KCNMB2: variants seen among roughly 807,000 people sequenced by gnomAD.
KCNMB2 encodes calcium-activated potassium channel subunit beta-2.
In KCNMB2, 9 loss-of-function variants were observed where a neutral mutation model predicts 24.5. The ratio of observed to expected loss-of-function variants is 0.37; its 90% CI spans 0.22 to 0.64. The LOEUF is 0.64. KCNMB2 is among the 30% of genes least tolerant of loss of function. The probability of loss-of-function intolerance (pLI) is 0.63; values close to 1 mark genes in which losing one functional copy is unlikely to be tolerated. For missense variants in KCNMB2, 226 were observed against 284.3 expected (o/e 0.79, Z 1.47); for synonymous variants, 109 against 104.4 (o/e 1.04, Z -0.27).
intron 1 of KCNMB2, among the ~76,000 whole-genome samples, chr3:178,714,760 G>A (rs1416586672): frequency 1.3e-5 from 2 of 152,162 alleles, no homozygotes; most frequent in African/African-American, 4.8e-5. Flanking sequence ...GTCATTTTGG[G>A]AAAATCTAAT....
At chr3:178,573,465 A>G (rs946650321) in intron 1 of KCNMB2, among the ~76,000 whole-genome samples, 1 of 152,028 alleles carries the variant, frequency 6.6e-6, no homozygotes, top group Admixed American at 6.6e-5. Flanking sequence ...GGCTGTGTAC[A>G]GTGGGGGCTC....
intron 1 of KCNMB2, among the ~76,000 whole-genome samples, chr3:178,631,013 C>A (rs1462886322): frequency 6.6e-6 from 1 of 152,114 alleles, no homozygotes; most frequent in Non-Finnish European, 1.5e-5. Flanking sequence ...TATTTACAAG[C>A]AAAGAAAGAA....
At chr3:178,599,871 T>A (rs905578226) in intron 1 of KCNMB2, among the ~76,000 whole-genome samples, 1 of 152,160 alleles carries the variant, frequency 6.6e-6, no homozygotes, top group Non-Finnish European at 1.5e-5. Context: ...ATTTCTCTTT[T>A]GGTGACTAGC....
chr3:178,678,320 T>C (rs779230898), intron 1 of KCNMB2, among the ~76,000 whole-genome samples: 16 of 152,216 alleles, frequency 1.1e-4, no homozygotes, highest in Non-Finnish European at 2.1e-4. Flanking sequence ...TTGCCTGACA[T>C]GGCCTCAGAT....
At chr3:178,714,660 G>C (rs1256955563) in intron 1 of KCNMB2, among the ~76,000 whole-genome samples, 1 of 152,186 alleles carries the variant, frequency 6.6e-6, no homozygotes, top group African/African-American at 2.4e-5. Context: ...AGACTCTTTT[G>C]GGTCAAATGA....
intron 1 of KCNMB2, among the ~76,000 whole-genome samples, chr3:178,628,025 T>C (rs1030892089): frequency 1.3e-5 from 2 of 152,218 alleles, no homozygotes; most frequent in Non-Finnish European, 2.9e-5. Context: ...CCAGTTTTAA[T>C]TAAGAAAATG....
At chr3:178,581,236 T>C (rs1479755683) in intron 1 of KCNMB2, among the ~76,000 whole-genome samples, 1 of 152,206 alleles carries the variant, frequency 6.6e-6, no homozygotes, top group African/African-American at 2.4e-5. Context: ...ATCTGGTCTT[T>C]GACAGACGTG....
chr3:178,792,871 T>A (rs1428544420), intron 1 of KCNMB2, among the ~76,000 whole-genome samples: 2 of 152,194 alleles, frequency 1.3e-5, no homozygotes, highest in East Asian at 3.9e-4. Context: ...TGACGCCCTC[T>A]CAATAGTGCC....
chr3:178,649,637 A>G (rs1284443448), intron 1 of KCNMB2, among the ~76,000 whole-genome samples: 1 of 151,436 alleles, frequency 6.6e-6, no homozygotes, highest in African/African-American at 2.4e-5. Context: ...TTTCTTCTAG[A>G]TTTTCTAGTT....
intron 1 of KCNMB2, among the ~76,000 whole-genome samples, chr3:178,633,908 A>C (rs1184359638): frequency 1.3e-5 from 2 of 152,166 alleles, no homozygotes; most frequent in African/African-American, 4.8e-5. Context: ...CATATCTCTC[A>C]AGTTCAAAGT....
At chr3:178,738,800 G>A (rs555274303) in intron 1 of KCNMB2, among the ~76,000 whole-genome samples, 30 of 152,038 alleles carry the variant, frequency 2.0e-4, no homozygotes, top group Non-Finnish European at 3.7e-4. Context: ...CCCTGAGGGC[G>A]GAAACTTTGT....
At chr3:178,804,971 T>G (rs1332580410) in intron 1 of KCNMB2, among the ~76,000 whole-genome samples, 3 of 152,274 alleles carry the variant, frequency 2.0e-5, no homozygotes, top group African/African-American at 7.2e-5. Flanking sequence ...ATGTAGTCCC[T>G]ATTCTATTTG....
chr3:178,611,166 T>C (rs1021379441), intron 1 of KCNMB2, among the ~76,000 whole-genome samples: 3 of 152,198 alleles, frequency 2.0e-5, no homozygotes, highest in African/African-American at 7.2e-5. Context: ...TTACTTATTA[T>C]TGGTCTGTTC....
chr3:178,799,125 A>G (rs959254135), intron 1 of KCNMB2, among the ~76,000 whole-genome samples: 3 of 152,182 alleles, frequency 2.0e-5, no homozygotes, highest in South Asian at 2.1e-4. Context: ...GGAACACACC[A>G]AGGATGCCTA....
intron 1 of KCNMB2, among the ~76,000 whole-genome samples, chr3:178,671,300 A>G (rs975150462): frequency 2.6e-5 from 4 of 152,176 alleles, no homozygotes; most frequent in Non-Finnish European, 5.9e-5. Flanking sequence ...CCACTAAACT[A>G]CAAGAAAAAC....
At chr3:178,760,756 T>C (rs541219929) in intron 1 of KCNMB2, among the ~76,000 whole-genome samples, 1 of 152,010 alleles carries the variant, frequency 6.6e-6, no homozygotes, top group Middle Eastern at 3.4e-3. Context: ...ACAGCAGATT[T>C]AATAACAAAT....
intron 1 of KCNMB2, among the ~76,000 whole-genome samples, chr3:178,556,295 T>C (rs1031437297): frequency 6.6e-6 from 1 of 152,228 alleles, no homozygotes; most frequent in Non-Finnish European, 1.5e-5. Context: ...CATTTAAACT[T>C]AAGCAATCAT....
rs1039694100 is a variant in KCNMB2 at position 178,741,988 on chromosome 3, C to A, written c.-67-65355C>A. 1.1e-4 allele frequency among the ~76,000 whole-genome samples: 17 copies of A among 152,190 alleles called. No individual in the cohort carries two copies. In the South Asian group the frequency reaches 1.2e-3, roughly 11 times the overall value. On this transcript the variant is annotated intron_variant, in intron 1 of 4. Transcript: ENST00000452583. ...GAATAAACATAAGCTTTAACAAGTT[C>A]TTCTTTCTTAACTATTACAGATGCA... is the stretch of plus-strand genomic sequence containing the variant.
chr3:178,770,177 G>A (rs1712286546), intron 1 of KCNMB2, among the ~76,000 whole-genome samples: 1 of 152,098 alleles, frequency 6.6e-6, no homozygotes, highest in African/African-American at 2.4e-5. Flanking sequence ...AATTCTAGTT[G>A]CCCAAGTTAT....
Sources: gnomAD v4.1 joint callset for allele counts (sites outside exome capture counted in the v4.1 genomes callset) on GRCh38, gnomAD v4.1.1 for gene constraint, MANE v1.5 for transcripts, NCBI Gene and HGNC (gene_info 2026-07-23, HGNC 2026-07-21) for gene names.